The following PLCXD3 variants were observed in gnomAD, a reference collection of about 807,000 sequenced individuals.
PLCXD3 encodes the protein phosphatidylinositol specific phospholipase C X domain containing 3, also known as PI-PLC X domain-containing protein 3.
PLCXD3 carries 19 observed loss-of-function variants against 25.5 expected under a neutral mutation model. The observed-to-expected ratio is 0.75, with a 90% CI of 0.52 to 1.09. The LOEUF (loss-of-function observed/expected upper bound fraction) is 1.09, where lower values mean the gene tolerates loss of function less well. PLCXD3 is among the 50% of genes least tolerant of loss of function. The pLI, the probability that PLCXD3 is intolerant of heterozygous loss-of-function variation, is 0.00. For missense variants in PLCXD3, 411 were observed against 388.1 expected, an observed-to-expected ratio of 1.06 and a Z score of -0.50; for synonymous variants, 174 against 137.6, an observed-to-expected ratio of 1.26 and a Z score of -1.85.
intron 1 of PLCXD3, among the ~76,000 whole-genome samples, chr5:41,435,391 C>T (rs200055342): frequency 6.6e-6 from 1 of 152,182 alleles, no homozygotes; most frequent in Non-Finnish European, 1.5e-5. Flanking sequence ...AAAAGTCAAC[C>T]TGCCCTTGAA....
rs118037483 is a variant in PLCXD3, at chr5:41,371,415, A to G, written c.812+10411T>C. ...TAAGGTCACCACCTCTCTTGACTAAAATGAGTGACTGAGACTCCTTTACCA... is the reference window on the plus strand; with the variant it reads ...TAAGGTCACCACCTCTCTTGACTAAGATGAGTGACTGAGACTCCTTTACCA... On this transcript the variant is annotated intron_variant, in intron 2 of 2. Transcript: ENST00000377801. Among the ~76,000 whole-genome samples, 193 of 152,260 alleles carry G rather than the reference A, an allele frequency of 1.3e-3. No homozygotes were observed. In the East Asian group the frequency reaches 0.031, roughly 24 times the overall value.
intron 1 of PLCXD3, among the ~76,000 whole-genome samples, chr5:41,482,811 C>T (rs942000905): frequency 6.6e-6 from 1 of 152,160 alleles, no homozygotes; most frequent in Non-Finnish European, 1.5e-5. Context: ...CATTTACCAT[C>T]TTAACAATTT....
intron 2 of PLCXD3, among the ~76,000 whole-genome samples, chr5:41,364,820 G>A (rs1012036564): frequency 3.9e-5 from 6 of 152,172 alleles, no homozygotes; most frequent in Admixed American, 2.6e-4. Flanking sequence ...ATAAGGGAGG[G>A]AATCTACTTC....
chr5:41,490,514 C>G (rs1479739669), intron 1 of PLCXD3, among the ~76,000 whole-genome samples: 5 of 152,104 alleles, frequency 3.3e-5, no homozygotes, highest in African/African-American at 1.2e-4. Flanking sequence ...GGAATGGTAC[C>G]AGTTCCTCCT....
intron 2 of PLCXD3, among the ~76,000 whole-genome samples, chr5:41,323,924 A>G (rs1236958688): frequency 6.6e-6 from 1 of 152,138 alleles, no homozygotes; most frequent in African/African-American, 2.4e-5. Context: ...AGTCTGATAT[A>G]TGTTGATTTT....
intron 1 of PLCXD3, among the ~76,000 whole-genome samples, chr5:41,493,604 G>C (rs1748758812): frequency 2.0e-5 from 3 of 152,242 alleles, no homozygotes; most frequent in Admixed American, 1.3e-4. Flanking sequence ...GAGCTTTCTG[G>C]CTGCTTTGTT....
At chr5:41,397,541 G>A (rs1003280367) in intron 1 of PLCXD3, among the ~76,000 whole-genome samples, 1 of 152,226 alleles carries the variant, frequency 6.6e-6, no homozygotes, top group African/African-American at 2.4e-5. Context: ...TATGAGGGCA[G>A]TGCAGAGAGG....
chr5:41,419,543 C>A (rs922441141), intron 1 of PLCXD3, among the ~76,000 whole-genome samples: 2 of 152,072 alleles, frequency 1.3e-5, no homozygotes, highest in African/African-American at 4.8e-5. Context: ...TCCATGTTAA[C>A]CATGAAGCAA....
rs374795553 is a variant in PLCXD3, at chr5:41,463,586, T to C, written c.103+46838A>G. Among the ~76,000 whole-genome samples, 20 of 152,164 alleles carry C rather than the reference T, an allele frequency of 1.3e-4. No homozygotes were observed. In the East Asian group the frequency reaches 2.5e-3, roughly 19 times the overall value. ...TTCTCATGTAAGAGATTCATATTTC[T>C]GGTCTTTGATTATTTTCTTTCCATT... On this transcript the variant is annotated intron_variant, in intron 1 of 2. Coordinates refer to ENST00000377801, the MANE Select transcript of PLCXD3 (RefSeq NM_001005473.3).
In PLCXD3 at chr5:41,457,970, T is replaced by C. The variant is rs539442214; in HGVS notation, c.103+52454A>G. On this transcript the variant is annotated intron_variant, in intron 1 of 2. Coordinates refer to ENST00000377801, the MANE Select transcript of PLCXD3 (RefSeq NM_001005473.3). ...TGGATGTGAGGGAAAACTGTAGACA[T>C]GGGGACAAAGAAAAAAATAGAAGCA... 2.0e-5 allele frequency among the ~76,000 whole-genome samples: 3 copies of C among 151,866 alleles called. No individual in the cohort carries two copies. The South Asian group carries it at 6.2e-4, about 31-fold the overall frequency.
intron 1 of PLCXD3, among the ~76,000 whole-genome samples, chr5:41,430,079 T>C (rs760253335): frequency 1.3e-5 from 2 of 152,190 alleles, no homozygotes; most frequent in Non-Finnish European, 2.9e-5. Context: ...TGCTGCTTGC[T>C]AGATGTGCAA....
intron 2 of PLCXD3, among the ~76,000 whole-genome samples, chr5:41,319,970 A>T (rs1238646685): frequency 6.6e-6 from 1 of 152,200 alleles, no homozygotes; most frequent in Non-Finnish European, 1.5e-5. Context: ...AGTGGCTACT[A>T]TGAGCAACTA....
intron 1 of PLCXD3, among the ~76,000 whole-genome samples, chr5:41,429,586 T>A (rs1747043939): frequency 6.6e-6 from 1 of 152,148 alleles, no homozygotes; most frequent in South Asian, 2.1e-4. Flanking sequence ...TTCAAAATCA[T>A]CTTGAATGTG....
At chr5:41,479,023 G>A (rs1391070445) in intron 1 of PLCXD3, among the ~76,000 whole-genome samples, 1 of 152,126 alleles carries the variant, frequency 6.6e-6, no homozygotes, top group Non-Finnish European at 1.5e-5. Flanking sequence ...CCCCTAACAC[G>A]TGGGGATTAC....
intron 1 of PLCXD3, among the ~76,000 whole-genome samples, chr5:41,440,096 T>G (rs1219687959): frequency 1.3e-5 from 2 of 152,078 alleles, no homozygotes; most frequent in African/African-American, 4.8e-5. Context: ...TAGTTGAGTA[T>G]AGTGAATAAG....
At chr5:41,497,459 T>C (rs1748866726) in intron 1 of PLCXD3, among the ~76,000 whole-genome samples, 1 of 151,856 alleles carries the variant, frequency 6.6e-6, no homozygotes, top group African/African-American at 2.4e-5. Flanking sequence ...ATGATATAAT[T>C]GGATGAGTCA....
chr5:41,461,035 T>C (rs955454925), intron 1 of PLCXD3, among the ~76,000 whole-genome samples: 1 of 151,976 alleles, frequency 6.6e-6, no homozygotes, highest in Non-Finnish European at 1.5e-5. Flanking sequence ...TATTATTTTC[T>C]GATAGGACCC....
chr5:41,387,747 G>C (rs1022281961), intron 1 of PLCXD3, among the ~76,000 whole-genome samples: 2 of 152,078 alleles, frequency 1.3e-5, no homozygotes, highest in African/African-American at 4.8e-5. Context: ...TTCTCATTCA[G>C]TAAAACATTT....
At chr5:41,469,972 G>T (rs1216031273) in intron 1 of PLCXD3, among the ~76,000 whole-genome samples, 2 of 152,164 alleles carry the variant, frequency 1.3e-5, no homozygotes, top group Admixed American at 6.5e-5. Flanking sequence ...GAACAGTGGG[G>T]TCAAAAGTGA....
Sources: gnomAD v4.1 joint callset for allele counts (sites outside exome capture counted in the v4.1 genomes callset) on GRCh38, gnomAD v4.1.1 for gene constraint, MANE v1.5 for transcripts, NCBI Gene and HGNC (gene_info 2026-07-23, HGNC 2026-07-21) for gene names.